ATF7IP2: variants seen among roughly 807,000 people sequenced by gnomAD.
ATF7IP2 encodes the protein activating transcription factor 7-interacting protein 2.
A neutral mutation model predicts 64.2 loss-of-function variants in ATF7IP2; 42 were observed. That is an observed-to-expected ratio of 0.65 (90% CI 0.51 to 0.85). The LOEUF (loss-of-function observed/expected upper bound fraction) is 0.85. ATF7IP2 is among the 40% of genes least tolerant of loss of function. The probability of loss-of-function intolerance (pLI) is 0.00; values close to 1 mark genes in which losing one functional copy is unlikely to be tolerated. For missense variants in ATF7IP2, 933 were observed against 784.2 expected (o/e 1.19, Z -2.27); for synonymous variants, 308 against 272.8 (o/e 1.13, Z -1.27).
rs2047836642 is a variant in ATF7IP2 at position 10,414,676 on chromosome 16, T to TG, written c.-203+69dup. 3 of 27,868 alleles carry TG rather than the reference T, an allele frequency of 1.1e-4. No individual in the cohort carries two copies. In the South Asian group the frequency reaches 4.1e-3, roughly 38 times the overall value. 1.7% of individuals were successfully genotyped at this position (27,868 alleles called of 1,614,324 possible). On this transcript the variant is annotated intron_variant, in intron 2 of 13. Coordinates refer to ENST00000562102, the MANE Select transcript of ATF7IP2 (RefSeq NM_001393719.1). ...GTGTGTGTGTGTTTGGGCGGGGGGGTGGGGGATGTTAAGGAACCTTGTTTT... is the reference window on the plus strand; with the variant it reads ...GTGTGTGTGTGTTTGGGCGGGGGGGTGGGGGGATGTTAAGGAACCTTGTTTT...
rs540758443 is a variant in ATF7IP2, at chr16:10,464,196, T to G, written c.1352+6667T>G. Among the ~76,000 whole-genome samples, 3 of 152,328 alleles carry G rather than the reference T, an allele frequency of 2.0e-5. No individual in the cohort carries two copies. In the East Asian group the frequency reaches 5.8e-4, roughly 29 times the overall value. On this transcript the variant is annotated intron_variant, in intron 9 of 13. Transcript: ENST00000562102. The stretch of plus-strand genomic sequence containing the variant: ...TTTTCAAATTGCTCAAGTGTGGGGC[T>G]CCATCATGGCTGTTCTACCTGTCCT...
intron 9 of ATF7IP2, among the ~76,000 whole-genome samples, chr16:10,469,787 A>C (rs528630042): frequency 1.1e-4 from 16 of 152,306 alleles, no homozygotes; most frequent in African/African-American, 3.6e-4. Flanking sequence ...AAAACAAAAA[A>C]GGAACAAAAA....
At chr16:10,416,580 G>T (rs1267063450) in intron 2 of ATF7IP2, among the ~76,000 whole-genome samples, 2 of 152,134 alleles carry the variant, frequency 1.3e-5, no homozygotes, top group African/African-American at 4.8e-5. Context: ...ATCACCTGAG[G>T]CCAGGAGTTC....
chr16:10,440,306 C>A, intron 7 of ATF7IP2, 58 bp from the exon 8 acceptor site: 3 of 808,708 alleles, frequency 3.7e-6, no homozygotes, highest in Non-Finnish European at 3.8e-6. Flanking sequence ...TACCCTCTAT[C>A]TCTATGTGAT....
intron 1 of ATF7IP2, among the ~76,000 whole-genome samples, chr16:10,406,423 C>T (rs986474087): frequency 3.9e-5 from 6 of 152,012 alleles, no homozygotes; most frequent in Admixed American, 1.3e-4. Flanking sequence ...AATAATTAAC[C>T]TAATGATGCA....
chr16:10,479,946 G>T (rs1851000215), intron 12 of ATF7IP2, among the ~76,000 whole-genome samples: 1 of 129,432 alleles, frequency 7.7e-6, no homozygotes, highest in South Asian at 2.6e-4. Flanking sequence ...CAGTGATTTA[G>T]AACTGGAAAT....
chr16:10,421,836 C>G (rs1279640994), intron 3 of ATF7IP2, among the ~76,000 whole-genome samples: 4 of 152,190 alleles, frequency 2.6e-5, no homozygotes, highest in Non-Finnish European at 5.9e-5. Context: ...GCAACACTTT[C>G]CAGTGAAAAT....
intron 8 of ATF7IP2, among the ~76,000 whole-genome samples, chr16:10,452,564 G>C (rs778979089): frequency 2.0e-4 from 31 of 152,188 alleles, no homozygotes; most frequent in Non-Finnish European, 3.8e-4. Context: ...GTGTCTCCCA[G>C]TCAGGATACA....
rs2142120203 is a variant in ATF7IP2, at chr16:10,482,252, G to C, written c.*3G>C. 1 of 1,562,422 alleles carries C rather than the reference G, an allele frequency of 6.4e-7. No individual in the cohort carries two copies. On this transcript the variant is annotated 3_prime_UTR_variant, in exon 14 of 14. Transcript: ENST00000562102. ...GGTTTTCTGAAAATCTTACGTAAAAGGTGTTTAATAATGATATACTACTTT... is the reference window on the plus strand; with the variant it reads ...GGTTTTCTGAAAATCTTACGTAAAACGTGTTTAATAATGATATACTACTTT...
At chr16:10,475,637 G>C (rs2142086609) in intron 12 of ATF7IP2, among the ~76,000 whole-genome samples, 1 of 143,568 alleles carries the variant, frequency 7.0e-6, no homozygotes, top group Admixed American at 7.1e-5. Flanking sequence ...AGCTTGCAGT[G>C]AGCCGAGATC....
At position 10,450,556 on chromosome 16, in the gene ATF7IP2, C is replaced by T. The variant is rs1221816838; in HGVS notation, c.1195-6816C>T. ...TCTTCTTGTTTCATTGATCCCTTTA[C>T]CATTAGGTAATGCCTTTCTTTGTCT... is the stretch of plus-strand genomic sequence containing the variant. On this transcript the variant is annotated intron_variant, in intron 8 of 13. Transcript: ENST00000562102. Among the ~76,000 whole-genome samples, 4 of 152,122 alleles carry T rather than the reference C, an allele frequency of 2.6e-5. 1 individual carries two copies. Among genetic ancestry groups the T allele is most frequent in the African/African-American group, 9.7e-5 (4 of 41,436 alleles).
chr16:10,447,993 T>C (rs2048866746), intron 8 of ATF7IP2: 1 of 152,270 alleles, frequency 6.6e-6, no homozygotes, highest in South Asian at 2.1e-4. Context: ...TGCATATGGC[T>C]AACCAGGTTT....
chr16:10,391,363 G>A (rs2047318980), intron 1 of ATF7IP2, among the ~76,000 whole-genome samples: 1 of 151,248 alleles, frequency 6.6e-6, no homozygotes, highest in South Asian at 2.1e-4. Flanking sequence ...AGAGGTTGCG[G>A]TGAGCGGAGA....
chr16:10,422,315 T>C (rs1236729514), intron 3 of ATF7IP2, among the ~76,000 whole-genome samples: 1 of 152,208 alleles, frequency 6.6e-6, no homozygotes, highest in African/African-American at 2.4e-5. Context: ...TCTTTCCACT[T>C]GAAGCAGTTC....
At chr16:10,474,824 G>A (rs762976209) in intron 12 of ATF7IP2, among the ~76,000 whole-genome samples, 2 of 152,214 alleles carry the variant, frequency 1.3e-5, no homozygotes, top group Non-Finnish European at 2.9e-5. Flanking sequence ...TTCTAGGCTA[G>A]AACAATGCAA....
intron 13 of ATF7IP2, 91 bp downstream of exon 13, chr16:10,481,055 T>G (rs2050204533): frequency 1.1e-6 from 1 of 932,834 alleles, no homozygotes; most frequent in Non-Finnish European, 1.7e-6. Context: ...TGGGTCACAT[T>G]TCAGCTTAGA....
At chr16:10,415,463 T>C (rs1403115016) in intron 2 of ATF7IP2, among the ~76,000 whole-genome samples, 1 of 152,206 alleles carries the variant, frequency 6.6e-6, no homozygotes, top group African/African-American at 2.4e-5. Context: ...TCTCTCACTA[T>C]ATATAAAAAG....
intron 1 of ATF7IP2, among the ~76,000 whole-genome samples, chr16:10,407,854 C>T (rs2047674462): frequency 6.6e-6 from 1 of 151,974 alleles, no homozygotes; most frequent in Non-Finnish European, 1.5e-5. Flanking sequence ...CATAGCTTAG[C>T]TCCTACTTGT....
At chr16:10,421,314 G>A (rs1225328229) in intron 3 of ATF7IP2, among the ~76,000 whole-genome samples, 1 of 152,108 alleles carries the variant, frequency 6.6e-6, no homozygotes, top group Non-Finnish European at 1.5e-5. Flanking sequence ...GTCTTCTCTG[G>A]ATCTTTTCTA....
Sources: allele counts gnomAD v4.1 joint callset (sites outside exome capture counted in the v4.1 genomes callset), GRCh38; gene constraint gnomAD v4.1.1; transcripts MANE v1.5; gene names NCBI Gene and HGNC (gene_info 2026-07-23, HGNC 2026-07-21).